MCPH1: variants seen among roughly 807,000 people sequenced by gnomAD.
The protein encoded by MCPH1 is microcephalin.
MCPH1 carries 104 observed loss-of-function variants against 84.5 expected under a neutral mutation model. That is an observed-to-expected ratio of 1.23 (90% confidence interval 1.05 to 1.45). The LOEUF is 1.45. Among genes scored for constraint, MCPH1 ranks in the 40% most tolerant of loss-of-function variants. The probability of loss-of-function intolerance (pLI) is 0.00; values close to 1 mark genes in which losing one functional copy is unlikely to be tolerated. For missense variants in MCPH1, 1,498 were observed against 1,005.7 expected, an observed-to-expected ratio of 1.49 and a Z score of -6.62; for synonymous variants, 514 against 366.8, an observed-to-expected ratio of 1.40 and a Z score of -4.58.
intron 12 of MCPH1, among the ~76,000 whole-genome samples, chr8:6,545,821 T>C (rs1029398304): frequency 1.3e-5 from 2 of 152,266 alleles, no homozygotes; most frequent in Non-Finnish European, 2.9e-5. Flanking sequence ...TTGGAATAAA[T>C]ACAAGATTAC....
chr8:6,581,000 G>A (rs530400941), intron 12 of MCPH1, among the ~76,000 whole-genome samples: 6 of 152,244 alleles, frequency 3.9e-5, no homozygotes, highest in South Asian at 2.1e-4. Flanking sequence ...ACAAAAAATC[G>A]AGTACAACAA....
chr8:6,508,829 G>T, intron 12 of MCPH1: 1 of 1,496,118 alleles, frequency 6.7e-7, no homozygotes, highest in Non-Finnish European at 9.3e-7. Context: ...ATGAAATTGT[G>T]GACATCGTTA....
At chr8:6,518,175 G>T (rs898753010) in intron 12 of MCPH1, among the ~76,000 whole-genome samples, 1 of 152,142 alleles carries the variant, frequency 6.6e-6, no homozygotes. Context: ...ATGGTTAGCG[G>T]CTGTCCCTCT....
intron 12 of MCPH1, chr8:6,521,446 A>C (rs1817319503): frequency 7.2e-7 from 1 of 1,385,866 alleles, no homozygotes; most frequent in Non-Finnish European, 1.0e-6. Flanking sequence ...AGTGAAGGCT[A>C]TTCTAATGAA....
chr8:6,627,594 T>A (rs969938472), intron 13 of MCPH1, among the ~76,000 whole-genome samples: 2 of 152,236 alleles, frequency 1.3e-5, no homozygotes, highest in African/African-American at 4.8e-5. Context: ...GTTTAGGCTT[T>A]TAAATATATA....
chr8:6,514,810 G>A (rs200615678), intron 12 of MCPH1: 1 of 1,590,086 alleles, frequency 6.3e-7, no homozygotes, highest in African/African-American at 1.3e-5. Flanking sequence ...ATAAGTGACA[G>A]AGCCCCCCCA....
intron 12 of MCPH1, among the ~76,000 whole-genome samples, chr8:6,583,228 C>T (rs1187754972): frequency 2.6e-5 from 4 of 151,688 alleles, no homozygotes; most frequent in African/African-American, 4.8e-5. Flanking sequence ...GCACACATTT[C>T]AGTTTGCTTT....
chr8:6,428,262 TAAAAA>T (rs61532349), intron 3 of MCPH1, among the ~76,000 whole-genome samples: 2,260 of 151,580 alleles, frequency 0.015, 58 homozygotes, highest in African/African-American at 0.051. Context: ...CTTTTAAACT[TAAAAA>T]AAACTAGGAC....
At chr8:6,597,775 C>G (rs1396589261) in intron 12 of MCPH1, among the ~76,000 whole-genome samples, 1 of 152,248 alleles carries the variant, frequency 6.6e-6, no homozygotes, top group Non-Finnish European at 1.5e-5. Flanking sequence ...CCTGAACCCA[C>G]TCCTTTCTGA....
intron 12 of MCPH1, chr8:6,508,896 G>C: frequency 6.2e-7 from 1 of 1,613,494 alleles, no homozygotes; most frequent in Non-Finnish European, 8.5e-7. Flanking sequence ...ATCATTCCTT[G>C]CCAATACAAA....
At chr8:6,480,654 C>G (rs771533628) in intron 10 of MCPH1, 60 bp from the exon 11 acceptor site, 15 of 1,597,822 alleles carry the variant, frequency 9.4e-6, no homozygotes, top group Non-Finnish European at 1.2e-5. Context: ...AGTGTAACTG[C>G]TTTGATGGGC....
At chr8:6,444,105 G>C (rs765845325) in intron 7 of MCPH1, among the ~76,000 whole-genome samples, 9 of 152,092 alleles carry the variant, frequency 5.9e-5, no homozygotes, top group Middle Eastern at 3.2e-3. Flanking sequence ...TGCTCTTTTG[G>C]AAAATGTGCA....
intron 8 of MCPH1, chr8:6,445,866 G>A: frequency 1.9e-6 from 2 of 1,072,550 alleles, no homozygotes; most frequent in Non-Finnish European, 2.3e-6. Flanking sequence ...TTATTCCATT[G>A]GAGTCTTGGC....
chr8:6,406,870 GCTCCTGCTCTCTCCCCCGCTGCCTGTC>G (rs1489297626), intron 1 of MCPH1, among the ~76,000 whole-genome samples, 181 bp downstream of exon 1: 1 of 5,548 alleles, frequency 1.8e-4, no homozygotes, highest in Non-Finnish European at 5.6e-4. Context: ...AAAACCCCCT[GCTCCTGCTCTCTCCCCCGCTGCCTGTC>G]CCCCCAAAAC....
chr8:6,513,477 C>T (rs1225470914), intron 12 of MCPH1, among the ~76,000 whole-genome samples: 2 of 151,854 alleles, frequency 1.3e-5, no homozygotes, highest in Non-Finnish European at 1.5e-5. Context: ...GGACTACAGG[C>T]GCCCACCACC....
chr8:6,419,162 C>G (rs141134625), intron 3 of MCPH1, among the ~76,000 whole-genome samples: 1 of 32,400 alleles, frequency 3.1e-5, no homozygotes, highest in Non-Finnish European at 2.1e-4. Flanking sequence ...GACACACACA[C>G]ACACACACAC....
chr8:6,446,162 C>G, intron 8 of MCPH1: 2 of 887,428 alleles, frequency 2.3e-6, no homozygotes, highest in Non-Finnish European at 2.7e-6. Context: ...AGGTTTACTC[C>G]TATTCATAAT....
In MCPH1 at chr8:6,445,064, T is replaced by C; in HGVS notation, c.1342T>C (p.Ser448Pro). ...SPAQLSCRSL[S>P]KKERTSIFEM... ...TGCTCAGTTGAGCTGCAGAAGTCTTTCTAAGAAGGAGAGAACAAGCATATT... is the reference window on the plus strand; with the variant it reads ...TGCTCAGTTGAGCTGCAGAAGTCTTCCTAAGAAGGAGAGAACAAGCATATT... Residue 448 changes from serine (S) to proline (P), a missense_variant, in exon 8 of 14, where the codon TCT becomes CCT. Transcript: ENST00000344683. 1 of 1,614,230 alleles carries C rather than the reference T, an allele frequency of 6.2e-7. No individual in the cohort carries two copies. The highest frequency in any genetic ancestry group is 8.5e-7 in the Non-Finnish European group (1 of 1,180,042).
chr8:6,471,183 G>A (rs767436690), intron 9 of MCPH1, among the ~76,000 whole-genome samples: 6 of 152,078 alleles, frequency 3.9e-5, no homozygotes, highest in Non-Finnish European at 7.4e-5. Flanking sequence ...AAAGTACCAG[G>A]CTTCTTTCCC....
Sources: gnomAD v4.1 joint callset for allele counts (sites outside exome capture counted in the v4.1 genomes callset) on GRCh38, gnomAD v4.1.1 for gene constraint, MANE v1.5 for transcripts, NCBI Gene and HGNC (gene_info 2026-07-23, HGNC 2026-07-21) for gene names.